TRHDE: variants seen among roughly 807,000 people sequenced by gnomAD.
The protein encoded by TRHDE is thyrotropin-releasing hormone-degrading ectoenzyme.
A neutral mutation model predicts 125.7 loss-of-function variants in TRHDE; 72 were observed. The observed-to-expected ratio is 0.57, with a 90% CI of 0.47 to 0.70. TRHDE has a LOEUF of 0.70. Among genes scored for constraint, TRHDE ranks in the 30% least tolerant of loss-of-function variants. The pLI is 0.00. For missense variants in TRHDE, 1,110 were observed against 1,327.1 expected, an observed-to-expected ratio of 0.84 and a Z score of 2.54; for synonymous variants, 509 against 509.1, an observed-to-expected ratio of 1.00 and a Z score of 0.00.
Position 72,653,104 on chromosome 12 carries a change from C to A in TRHDE, c.2932C>A (p.Arg978=). Residue 978 remains arginine (R), a synonymous_variant, in exon 17 of 19, where the codon CGA becomes AGA. Transcript: ENST00000261180. ...CCATGTAGCTCGAAATCCACATGGT[C>A]GAGACCTTGCCTGGAAGTTTTTCAG... ...IIHVARNPHG[R]DLAWKFFRDK... is the part of the protein sequence containing the mutation. 1 of 1,609,058 alleles carries A rather than the reference C, an allele frequency of 6.2e-7. No homozygotes were observed. The highest frequency in any genetic ancestry group is 1.7e-5 in the Admixed American group (1 of 59,506).
intron 2 of TRHDE, among the ~76,000 whole-genome samples, chr12:72,201,527 A>G (rs1489221583): frequency 6.6e-6 from 1 of 152,184 alleles, no homozygotes; most frequent in Non-Finnish European, 1.5e-5. Context: ...CTCTGAGAAG[A>G]GTCATAACAG....
At chr12:72,610,822 G>C (rs961549723) in intron 12 of TRHDE, 4 of 152,098 alleles carry the variant, frequency 2.6e-5, no homozygotes, top group Non-Finnish European at 5.9e-5. Flanking sequence ...TGGTGCATCA[G>C]TTTTTTCATG....
In TRHDE at chr12:72,273,651, A is replaced by T. The variant is rs1211866577; in HGVS notation, c.914+94A>T. 29 of 1,247,066 alleles carry T rather than the reference A, an allele frequency of 2.3e-5. No individual in the cohort carries two copies. The highest frequency in any genetic ancestry group is 3.3e-6 in the Non-Finnish European group (3 of 901,906). The allele number at this position is 1,247,066 out of a possible 1,614,324, so 77.3% of individuals were successfully genotyped here. ...GACCCCGGGGACCCAGCTGGCTTCC[A>T]ATACCCGGGAAGCCAGGGGTGGGGG... is the stretch of plus-strand genomic sequence containing the variant. On this transcript the variant is annotated intron_variant, in intron 1 of 18. Coordinates refer to ENST00000261180, the MANE Select transcript of TRHDE (RefSeq NM_013381.3). This position sits in a 1 kb window ranked among gnomAD's most constrained non-coding sequence, Gnocchi z 5.3.
intron 2 of TRHDE, among the ~76,000 whole-genome samples, chr12:72,207,141 G>T (rs1264901268): frequency 6.6e-6 from 1 of 152,110 alleles, no homozygotes. Flanking sequence ...ATCCTTTTGA[G>T]AAATTTTAAA....
intron 3 of TRHDE, among the ~76,000 whole-genome samples, chr12:72,424,178 TC>T (rs1449281887): frequency 6.6e-6 from 1 of 152,112 alleles, no homozygotes; most frequent in East Asian, 1.9e-4. Flanking sequence ...CTGGGTGGGA[TC>T]TTCCCTTGCC....
intron 2 of TRHDE, among the ~76,000 whole-genome samples, chr12:72,183,573 T>A (rs1298728129): frequency 6.6e-6 from 1 of 152,236 alleles, no homozygotes; most frequent in East Asian, 1.9e-4. Context: ...TTCATTTTTT[T>A]AATAGGTCAA....
chr12:72,191,091 T>C (rs1481345877), intron 2 of TRHDE, among the ~76,000 whole-genome samples: 1 of 152,170 alleles, frequency 6.6e-6, no homozygotes, highest in African/African-American at 2.4e-5. Context: ...ATAACTTATT[T>C]TGAAAAAAAG....
At chr12:72,300,598 T>C (rs1880470102) in intron 2 of TRHDE, among the ~76,000 whole-genome samples, 1 of 151,634 alleles carries the variant, frequency 6.6e-6, no homozygotes. Context: ...ACTGAGCAGC[T>C]CAAAGATGTA....
intron 15 of TRHDE, among the ~76,000 whole-genome samples, chr12:72,632,731 CA>C (rs35575828): frequency 0.17 from 21,950 of 127,368 alleles, 2,218 homozygotes; most frequent in East Asian, 0.59. Flanking sequence ...AACATTGGAC[CA>C]AAAAAAAAAA....
At chr12:72,221,167 C>G (rs959459058) in intron 2 of TRHDE, among the ~76,000 whole-genome samples, 1 of 151,950 alleles carries the variant, frequency 6.6e-6, no homozygotes. Context: ...TATAAACAGA[C>G]AATACTTTTG....
intron 1 of TRHDE, among the ~76,000 whole-genome samples, chr12:72,100,418 G>A (rs929950564): frequency 2.0e-5 from 3 of 151,994 alleles, no homozygotes; most frequent in African/African-American, 4.8e-5. Flanking sequence ...TTAGTACTCC[G>A]AACACTTAAC....
chr12:72,500,849 C>CTTTTTTTTTTT (rs11314911), intron 6 of TRHDE, among the ~76,000 whole-genome samples: 2 of 109,346 alleles, frequency 1.8e-5, no homozygotes, highest in Non-Finnish European at 3.6e-5. Context: ...CAACTTTGTT[C>CTTTTTTTTTTT]TTTTTTTTTT....
intron 10 of TRHDE, among the ~76,000 whole-genome samples, chr12:72,572,003 A>T (rs1256233513): frequency 1.3e-5 from 2 of 151,428 alleles, no homozygotes; most frequent in Admixed American, 6.6e-5. Context: ...ACACACACAC[A>T]CACACACACA....
chr12:72,579,756 A>AT (rs1286378636), intron 12 of TRHDE, among the ~76,000 whole-genome samples: 1 of 152,040 alleles, frequency 6.6e-6, no homozygotes, highest in African/African-American at 2.4e-5. Flanking sequence ...TCTCTGATCA[A>AT]TTTTTATGTT....
intron 2 of TRHDE, among the ~76,000 whole-genome samples, chr12:72,120,589 G>A (rs189769457): frequency 3.3e-5 from 5 of 151,524 alleles, no homozygotes; most frequent in African/African-American, 1.2e-4. Context: ...TGATAACAAC[G>A]CTGGTTACAT....
At chr12:72,417,191 C>T (rs920303463) in intron 3 of TRHDE, among the ~76,000 whole-genome samples, 1 of 151,928 alleles carries the variant, frequency 6.6e-6, no homozygotes, top group Non-Finnish European at 1.5e-5. Flanking sequence ...TATAGAAATT[C>T]TATTGCTTTT....
chr12:72,318,773 G>C (rs1179380160), intron 2 of TRHDE, among the ~76,000 whole-genome samples: 1 of 151,998 alleles, frequency 6.6e-6, no homozygotes, highest in Non-Finnish European at 1.5e-5. Flanking sequence ...AGAGTTATGA[G>C]GAATATATGA....
At chr12:72,542,146 G>A in intron 6 of TRHDE, 145 bp from the exon 7 acceptor site, 1 of 497,926 alleles carries the variant, frequency 2.0e-6, no homozygotes, top group African/African-American at 2.0e-5. Context: ...TCACTAAGTT[G>A]GATGTTGTTT....
intron 2 of TRHDE, among the ~76,000 whole-genome samples, chr12:72,190,890 T>G (rs1231125843): frequency 2.6e-5 from 4 of 152,218 alleles, no homozygotes; most frequent in Non-Finnish European, 5.9e-5. Context: ...GGAAGCCACC[T>G]TAATGGTAGG....
Sources: gnomAD v4.1 joint callset for allele counts (sites outside exome capture counted in the v4.1 genomes callset) on GRCh38, gnomAD v4.1.1 for gene constraint, Gnocchi (gnomAD v3.1) non-coding constraint, MANE v1.5 for transcripts, NCBI Gene and HGNC (gene_info 2026-07-23, HGNC 2026-07-21) for gene names.